CNTN5: variants seen among roughly 807,000 people sequenced by gnomAD.
The protein encoded by CNTN5 is contactin-5.
In CNTN5, 77 loss-of-function variants were observed where a neutral mutation model predicts 129.1. The ratio of observed to expected loss-of-function variants is 0.60; its 90% CI spans 0.50 to 0.72. The LOEUF is 0.72. Ranked by LOEUF, CNTN5 falls within the 30% of genes least tolerant of loss-of-function variation. The pLI, the probability that CNTN5 is intolerant of heterozygous loss-of-function variation, is 0.00. For missense variants in CNTN5, 1,478 were observed against 1,328.8 expected, an observed-to-expected ratio of 1.11 and a Z score of -1.75; for synonymous variants, 509 against 465.6, an observed-to-expected ratio of 1.09 and a Z score of -1.20.
chr11:99,907,800 G>A (rs991112440), intron 6 of CNTN5, among the ~76,000 whole-genome samples: 19 of 151,982 alleles, frequency 1.3e-4, no homozygotes, highest in South Asian at 2.1e-4. Flanking sequence ...AAGTTGTAAA[G>A]TTGTAAATAA....
intron 21 of CNTN5, among the ~76,000 whole-genome samples, chr11:100,312,280 T>A (rs1951486442): frequency 6.6e-6 from 1 of 152,060 alleles, no homozygotes; most frequent in Admixed American, 6.5e-5. Context: ...TTATACTGTT[T>A]CATAACTGAA....
At chr11:100,209,731 A>G in intron 15 of CNTN5, among the ~76,000 whole-genome samples, 1 of 152,200 alleles carries the variant, frequency 6.6e-6, no homozygotes, top group East Asian at 1.9e-4. Flanking sequence ...TGATAAAAAC[A>G]AAAGCAGGTA....
chr11:100,031,480 G>A (rs576334708), intron 9 of CNTN5, among the ~76,000 whole-genome samples: 12 of 152,236 alleles, frequency 7.9e-5, no homozygotes, highest in South Asian at 2.1e-4. Context: ...CATGAGGGGC[G>A]CCTGTCCATA....
intron 1 of CNTN5, among the ~76,000 whole-genome samples, chr11:99,155,283 A>G (rs1463647442): frequency 2.0e-5 from 3 of 152,190 alleles, no homozygotes; most frequent in South Asian, 2.1e-4. Context: ...CATTTAAAAC[A>G]TTTTTAAAAA....
At chr11:99,896,906 A>G (rs1201608464) in intron 6 of CNTN5, among the ~76,000 whole-genome samples, 5 of 152,086 alleles carry the variant, frequency 3.3e-5, no homozygotes, top group African/African-American at 4.8e-5. Flanking sequence ...TGTTAAAAAC[A>G]TAAACCCCAC....
intron 8 of CNTN5, among the ~76,000 whole-genome samples, chr11:99,973,869 C>T (rs977246028): frequency 6.6e-6 from 1 of 152,072 alleles, no homozygotes; most frequent in African/African-American, 2.4e-5. Context: ...GCACATTTAC[C>T]ATAAAATAAC....
intron 2 of CNTN5, among the ~76,000 whole-genome samples, chr11:99,347,991 A>G (rs1264043396): frequency 1.3e-5 from 2 of 152,224 alleles, no homozygotes; most frequent in East Asian, 3.8e-4. Flanking sequence ...TTGTTTCTTT[A>G]TATGGTTGAA....
intron 7 of CNTN5, among the ~76,000 whole-genome samples, chr11:99,920,466 G>C (rs1003639108): frequency 3.9e-5 from 6 of 151,998 alleles, no homozygotes; most frequent in Non-Finnish European, 7.4e-5. Context: ...ATCAGTATTT[G>C]GCTAATAGGC....
intron 3 of CNTN5, among the ~76,000 whole-genome samples, chr11:99,583,987 T>C (rs996139045): frequency 6.6e-6 from 1 of 152,116 alleles, no homozygotes; most frequent in East Asian, 1.9e-4. Flanking sequence ...AAGATTTTCA[T>C]TGTGTTTATT....
Position 99,879,147 on chromosome 11 carries a change from G to A in CNTN5, c.577+33885G>A, listed in dbSNP as rs1251231841. On this transcript the variant is annotated intron_variant, in intron 6 of 24. Transcript: ENST00000524871. ...GAGATGGGGTTTCACCATGTTGGCC[G>A]GGCTGGTCTCGAACTCTTGACATCA... 4.6e-5 allele frequency among the ~76,000 whole-genome samples: 7 copies of A among 151,714 alleles called. No individual in the cohort carries two copies. The South Asian group carries it at 1.2e-3, about 27-fold the overall frequency.
At chr11:99,066,346 T>C (rs111737289) in intron 1 of CNTN5, among the ~76,000 whole-genome samples, 4,083 of 152,058 alleles carry the variant, frequency 0.027, 152 homozygotes, top group African/African-American at 0.078. Flanking sequence ...TCAGGCAGTC[T>C]GCCTGCCTTG....
chr11:99,330,166 G>C (rs1254346566), intron 2 of CNTN5, among the ~76,000 whole-genome samples: 2 of 148,834 alleles, frequency 1.3e-5, no homozygotes, highest in Non-Finnish European at 3.0e-5. Context: ...GGAAGGAAGG[G>C]AGGGAGGGGA....
intron 18 of CNTN5, among the ~76,000 whole-genome samples, chr11:100,281,416 C>T (rs533725215): frequency 5.3e-4 from 81 of 152,202 alleles, no homozygotes; most frequent in African/African-American, 1.9e-3. Context: ...ATACCGCTCT[C>T]TCCTGGCCTG....
intron 15 of CNTN5, among the ~76,000 whole-genome samples, chr11:100,206,504 G>A (rs1023611772): frequency 2.6e-5 from 4 of 152,050 alleles, no homozygotes; most frequent in South Asian, 4.1e-4. Flanking sequence ...ATTAAATCCA[G>A]GGATAAACTA....
intron 21 of CNTN5, among the ~76,000 whole-genome samples, chr11:100,336,366 A>G (rs1044687897): frequency 1.1e-4 from 16 of 152,372 alleles, no homozygotes; most frequent in Non-Finnish European, 1.0e-4. Flanking sequence ...CAGTAGGACC[A>G]TGGTTAAATA....
chr11:99,551,651 A>G (rs1484137766), intron 2 of CNTN5, among the ~76,000 whole-genome samples: 5 of 152,166 alleles, frequency 3.3e-5, no homozygotes, highest in African/African-American at 9.6e-5. Context: ...ACACAAACCT[A>G]TATGGTGCAG....
At chr11:99,972,559 C>G (rs1404547210) in intron 8 of CNTN5, among the ~76,000 whole-genome samples, 3 of 151,856 alleles carry the variant, frequency 2.0e-5, no homozygotes, top group African/African-American at 7.2e-5. Context: ...ACTGAGTTGT[C>G]AGGTCTTCCC....
chr11:99,221,491 T>A (rs1045082328), intron 1 of CNTN5, among the ~76,000 whole-genome samples: 1 of 151,922 alleles, frequency 6.6e-6, no homozygotes, highest in African/African-American at 2.4e-5. Context: ...GTTTTGGGTC[T>A]CCAGGGTGAC....
At chr11:99,384,699 T>C (rs1940814008) in intron 2 of CNTN5, among the ~76,000 whole-genome samples, 1 of 152,206 alleles carries the variant, frequency 6.6e-6, no homozygotes, top group Admixed American at 6.5e-5. Flanking sequence ...AGAAACCTGA[T>C]TAAACTTTAT....
Sources: allele counts gnomAD v4.1 joint callset (sites outside exome capture counted in the v4.1 genomes callset), GRCh38; gene constraint gnomAD v4.1.1; transcripts MANE v1.5; gene names NCBI Gene and HGNC (gene_info 2026-07-23, HGNC 2026-07-21).